Variants in PLEKHA6 observed in about 807,000 individuals in gnomAD.
PLEKHA6 encodes pleckstrin homology domain-containing family A member 6.
PLEKHA6 carries 60 observed loss-of-function variants against 116.7 expected under a neutral mutation model. The ratio of observed to expected loss-of-function variants is 0.51; its 90% CI spans 0.42 to 0.64. The LOEUF (loss-of-function observed/expected upper bound fraction) is 0.64. PLEKHA6 is among the 30% of genes least tolerant of loss of function. The pLI, the probability that PLEKHA6 is intolerant of heterozygous loss-of-function variation, is 0.00. For synonymous variants in PLEKHA6, 489 were observed against 556.1 expected (o/e 0.88, Z 1.70); for missense variants, 1,338 against 1,422.7 (o/e 0.94, Z 0.96).
intron 1 of PLEKHA6, among the ~76,000 whole-genome samples, chr1:204,323,259 GTCTTC>G (rs1305096492): frequency 6.6e-6 from 1 of 152,262 alleles, no homozygotes; most frequent in East Asian, 1.9e-4. Flanking sequence ...CCCAAGGACT[GTCTTC>G]TCTTTGCTCC....
In PLEKHA6 at chr1:204,371,053, C is replaced by CAAAAAAAAAAAAAAAAAAAAAA. The variant is rs34493461; in HGVS notation, c.160+455_160+476dup. On this transcript the variant is annotated intron_variant, in intron 2 of 4. Transcript: ENST00000564627. ...TGTGCGACAGAGTAAGACTCTGCCT[C>CAAAAAAAAAAAAAAAAAAAAAA]AAAAAAAAAAAAAAAAAAAAAAAAT... Among the ~76,000 whole-genome samples the CAAAAAAAAAAAAAAAAAAAAAA allele has an allele frequency of 5.4e-4, 37 of 68,484 alleles. 1 individual carries two copies. Among genetic ancestry groups the CAAAAAAAAAAAAAAAAAAAAAA allele is most frequent in the African/African-American group, 2.1e-3 (35 of 16,836 alleles). The allele number at this position is 68,484 out of a possible 152,430, so 44.9% of individuals were successfully genotyped here.
Position 204,222,155 on chromosome 1 carries a change from C to A in PLEKHA6, c.*633G>T, listed in dbSNP as rs1233224883. ...CACTGTTCCCTCTGGGAGCCAATGG[C>A]CTCTCCCCATCTCTCATCACCTTGT... On this transcript the variant is annotated 3_prime_UTR_variant, in exon 23 of 23. Coordinates refer to ENST00000272203, the MANE Select transcript of PLEKHA6 (RefSeq NM_014935.5). 2 of 152,928 alleles carry A rather than the reference C, an allele frequency of 1.3e-5. No homozygotes were observed. The highest frequency in any genetic ancestry group is 3.9e-4 in the East Asian group (2 of 5,170). The allele number at this position is 152,928 out of a possible 1,614,324, so 9.5% of individuals were successfully genotyped here.
chr1:204,361,992 G>A (rs545305261), upstream of PLEKHA6, among the ~76,000 whole-genome samples: 18 of 152,358 alleles, frequency 1.2e-4, no homozygotes, highest in East Asian at 3.1e-3. Flanking sequence ...CAGGCAGAGG[G>A]CAAGGGCCGC....
chr1:204,310,947 A>G (rs1027267458), intron 1 of PLEKHA6, among the ~76,000 whole-genome samples: 8 of 151,830 alleles, frequency 5.3e-5, no homozygotes, highest in African/African-American at 1.7e-4. Context: ...AACTTGCCCT[A>G]ATTCCAATCT....
At position 204,266,123 on chromosome 1, in the gene PLEKHA6, T is replaced by C. The variant is rs545825485; in HGVS notation, c.281-1081A>G. On this transcript the variant is annotated intron_variant, in intron 5 of 22. Transcript: ENST00000272203. ...CCTGCTTCTCCTCCTACTCATCACA[T>C]CTACACGATACTTGGCCCACAGATC... 2.2e-3 allele frequency among the ~76,000 whole-genome samples: 336 copies of C among 152,258 alleles called. 2 individuals are homozygous for C. The highest frequency in any genetic ancestry group is 3.2e-3 in the Non-Finnish European group (221 of 68,012).
intron 1 of PLEKHA6, among the ~76,000 whole-genome samples, chr1:204,345,768 TC>T (rs1351226592): frequency 2.6e-5 from 4 of 152,044 alleles, no homozygotes; most frequent in Admixed American, 2.6e-4. Context: ...CAGAGCAGGT[TC>T]CCCCCAGCAA....
intron 1 of PLEKHA6, chr1:204,281,123 A>G (rs1668547926): frequency 9.1e-6 from 2 of 220,242 alleles, no homozygotes; most frequent in African/African-American, 4.7e-5. Context: ...GGAGGTCGAG[A>G]CTGCAGTGAA....
At chr1:204,240,312 A>G (rs1460024687) in intron 17 of PLEKHA6, among the ~76,000 whole-genome samples, 1 of 152,232 alleles carries the variant, frequency 6.6e-6, no homozygotes, top group Non-Finnish European at 1.5e-5. Flanking sequence ...ACCAGGAAAA[A>G]CACCATGACC....
At chr1:204,363,783 A>G (rs556362444), upstream of PLEKHA6, among the ~76,000 whole-genome samples, 3 of 151,828 alleles carry the variant, frequency 2.0e-5, no homozygotes, top group African/African-American at 7.3e-5. Flanking sequence ...CAGCCTGGGG[A>G]GACGCTGTGA....
upstream of PLEKHA6, among the ~76,000 whole-genome samples, chr1:204,364,417 C>T (rs1022952725): frequency 2.0e-5 from 3 of 152,200 alleles, no homozygotes; most frequent in Admixed American, 6.5e-5. Flanking sequence ...GCCGCCTTCC[C>T]GCTTGCTTTC....
intron 15 of PLEKHA6, chr1:204,243,139 C>T (rs1403574566): frequency 2.5e-5 from 10 of 399,260 alleles, no homozygotes; most frequent in Non-Finnish European, 4.0e-5. Flanking sequence ...CTCGCCACTG[C>T]GGTGCCAGGA....
intron 1 of PLEKHA6, among the ~76,000 whole-genome samples, chr1:204,355,995 ACAC>A (rs751243512): frequency 0.025 from 1,891 of 76,246 alleles, 17 homozygotes; most frequent in South Asian, 0.038. Context: ...ACACACACAC[ACAC>A]ACAAAAAAAA....
In PLEKHA6 at chr1:204,265,235, G is replaced by C. The variant is rs537203338; in HGVS notation, c.281-193C>G. On this transcript the variant is annotated intron_variant, in intron 5 of 22. Coordinates refer to ENST00000272203, the MANE Select transcript of PLEKHA6 (RefSeq NM_014935.5). ...GACACTCCCTGGAGTTAGGGAGTGT[G>C]GTGGCCCTGGAGATGCTGTTCCAGA... Among the ~76,000 whole-genome samples, 7 of 152,304 alleles carry C rather than the reference G, an allele frequency of 4.6e-5. No homozygotes were observed. In the East Asian group the frequency reaches 1.3e-3, roughly 29 times the overall value.
intron 9 of PLEKHA6, among the ~76,000 whole-genome samples, chr1:204,253,833 CAAA>C (rs5780222): frequency 0.076 from 9,992 of 131,798 alleles, 1,134 homozygotes; most frequent in African/African-American, 0.26. Flanking sequence ...GATCTTGTCT[CAAA>C]AAAAAAAAAA....
intron 3 of PLEKHA6, 86 bp downstream of exon 3, chr1:204,273,540 C>A: frequency 2.1e-6 from 2 of 939,536 alleles, no homozygotes. Context: ...GGACAGGCTA[C>A]AATTTCCTAG....
At chr1:204,363,270 G>C (rs1161902411), upstream of PLEKHA6, among the ~76,000 whole-genome samples, 1 of 152,208 alleles carries the variant, frequency 6.6e-6, no homozygotes, top group African/African-American at 2.4e-5. Flanking sequence ...AAGCACGCGG[G>C]GCAGAGACCT....
chr1:204,281,500 G>A (rs1459688669), intron 1 of PLEKHA6, among the ~76,000 whole-genome samples: 2 of 151,782 alleles, frequency 1.3e-5, no homozygotes, highest in Non-Finnish European at 2.9e-5. Flanking sequence ...ACTCCAGCCT[G>A]GGCAACAGAC....
intron 14 of PLEKHA6, among the ~76,000 whole-genome samples, 174 bp downstream of exon 14, chr1:204,245,441 G>A (rs368650558): frequency 6.6e-6 from 1 of 152,134 alleles, no homozygotes; most frequent in East Asian, 1.9e-4. Flanking sequence ...TCTGTGGGGG[G>A]TAAGGGACCC....
intron 2 of PLEKHA6, 91 bp downstream of exon 2, chr1:204,274,636 CCT>C: frequency 1.0e-6 from 1 of 985,802 alleles, no homozygotes; most frequent in Non-Finnish European, 1.2e-6. Context: ...CCTTCCCCTC[CCT>C]GTTGCCTTCT....
Sources: gnomAD v4.1 joint callset for allele counts (sites outside exome capture counted in the v4.1 genomes callset) on GRCh38, gnomAD v4.1.1 for gene constraint, MANE v1.5 for transcripts, NCBI Gene and HGNC (gene_info 2026-07-23, HGNC 2026-07-21) for gene names.